CDK14: variants seen among roughly 807,000 people sequenced by gnomAD.
CDK14 encodes cyclin-dependent kinase 14.
A neutral mutation model predicts 60.7 loss-of-function variants in CDK14; 34 were observed. The ratio of observed to expected loss-of-function variants is 0.56; its 90% confidence interval spans 0.43 to 0.75. The LOEUF (loss-of-function observed/expected upper bound fraction) is 0.75. CDK14 is among the 30% of genes least tolerant of loss of function. The pLI, the probability that CDK14 is intolerant of heterozygous loss-of-function variation, is 0.00. For missense variants in CDK14, 482 were observed against 564.1 expected (o/e 0.85, Z 1.47); for synonymous variants, 197 against 203.7 (o/e 0.97, Z 0.28).
intron 2 of CDK14, among the ~76,000 whole-genome samples, chr7:90,638,933 G>A (rs1371876091): frequency 2.6e-5 from 4 of 152,064 alleles, no homozygotes; most frequent in East Asian, 3.9e-4. Flanking sequence ...CGGCTCCTGA[G>A]GCTTCTGCAT....
At chr7:91,065,562 A>G (rs1377265914) in intron 11 of CDK14, among the ~76,000 whole-genome samples, 1 of 152,208 alleles carries the variant, frequency 6.6e-6, no homozygotes, top group Non-Finnish European at 1.5e-5. Context: ...CTATAGATTC[A>G]GCTTTTAAAA....
In CDK14 at chr7:90,861,128, C is replaced by G. The variant is rs1790994595; in HGVS notation, c.545-2047C>G. Among the ~76,000 whole-genome samples, 3 of 152,046 alleles carry G rather than the reference C, an allele frequency of 2.0e-5. No individual in the cohort carries two copies. In the South Asian group the frequency reaches 6.2e-4, roughly 32 times the overall value. On this transcript the variant is annotated intron_variant, in intron 5 of 14. Coordinates refer to ENST00000380050, the MANE Select transcript of CDK14 (RefSeq NM_001287135.2). ...GAATAGCCACCCCAACCCCTGAGGA[C>G]CCCAGATGCATGACATTCAGTAAAC... is the stretch of plus-strand genomic sequence containing the variant.
intron 12 of CDK14, among the ~76,000 whole-genome samples, chr7:91,087,449 C>T (rs1223240514): frequency 6.6e-6 from 1 of 152,148 alleles, no homozygotes; most frequent in African/African-American, 2.4e-5. Flanking sequence ...AGCATAGGAA[C>T]CAGGTTCATC....
rs560706126 is a variant in CDK14, at chr7:91,194,974, C to A, written c.*29-12191C>A. 1.1e-4 allele frequency among the ~76,000 whole-genome samples: 16 copies of A among 152,338 alleles called. No individual in the cohort carries two copies. In the South Asian group the frequency reaches 2.5e-3, roughly 24 times the overall value. ...GAGCCTGGGGTGTGCTGGCTCCTCT[C>A]ACTGCATTCTCCAGCTCTGTTGCCA... On this transcript the variant is annotated intron_variant, in intron 14 of 14. Transcript: ENST00000380050.
At chr7:90,950,868 G>A (rs1794236698) in intron 8 of CDK14, among the ~76,000 whole-genome samples, 1 of 152,158 alleles carries the variant, frequency 6.6e-6, no homozygotes, top group African/African-American at 2.4e-5. Context: ...AGAGAGAAAA[G>A]ATTAAAGGCT....
intron 2 of CDK14, among the ~76,000 whole-genome samples, chr7:90,660,726 T>C (rs920238915): frequency 6.6e-6 from 1 of 152,246 alleles, no homozygotes; most frequent in Admixed American, 6.5e-5. Context: ...TTCAGAAACT[T>C]AGTTTGAATC....
At chr7:90,648,571 A>G (rs962164044) in intron 2 of CDK14, among the ~76,000 whole-genome samples, 3 of 152,108 alleles carry the variant, frequency 2.0e-5, no homozygotes, top group Non-Finnish European at 4.4e-5. Context: ...CTAGAGATTC[A>G]GATCTCACCC....
At chr7:90,689,835 A>C (rs1801517425) in intron 2 of CDK14, among the ~76,000 whole-genome samples, 1 of 152,278 alleles carries the variant, frequency 6.6e-6, no homozygotes, top group East Asian at 1.9e-4. Flanking sequence ...GGACTTAATA[A>C]TTGTTTGCCG....
rs1799187630 is a variant in CDK14 at position 90,596,479 on chromosome 7, C to G, written c.-149C>G. The G allele has an allele frequency of 3.4e-6, 2 of 580,104 alleles. No individual in the cohort carries two copies. The highest frequency in any genetic ancestry group is 6.4e-5 in the East Asian group (2 of 31,318). 35.9% of individuals were successfully genotyped at this position (580,104 alleles called of 1,614,324 possible). ...TGCCGTCCTCCGCCTGCCTGCTGCT[C>G]GCCTCCCTAGACCTGCGCGTCGCTT... On this transcript the variant is annotated 5_prime_UTR_variant, in exon 1 of 15. Transcript: ENST00000380050.
intron 6 of CDK14, among the ~76,000 whole-genome samples, chr7:90,890,109 A>G (rs1445781844): frequency 6.6e-6 from 1 of 152,272 alleles, no homozygotes. Flanking sequence ...ATGATGGCCC[A>G]AGCCTGTCAT....
At chr7:91,155,976 A>G (rs1800969739) in intron 14 of CDK14, among the ~76,000 whole-genome samples, 1 of 152,192 alleles carries the variant, frequency 6.6e-6, no homozygotes, top group Non-Finnish European at 1.5e-5. Context: ...GAGATATAAA[A>G]ACTCTATCAC....
chr7:90,620,922 C>T (rs1358239904), intron 2 of CDK14, among the ~76,000 whole-genome samples: 1 of 152,224 alleles, frequency 6.6e-6, no homozygotes, highest in African/African-American at 2.4e-5. Context: ...CTGCCCATCA[C>T]AGTGGCCTTG....
At position 91,118,175 on chromosome 7, in the gene CDK14, C is replaced by T; in HGVS notation, c.1405C>T (p.His469Tyr). 1 of 1,597,556 alleles carries T rather than the reference C, an allele frequency of 6.3e-7. No homozygotes were observed. Among genetic ancestry groups the T allele is most frequent in the South Asian group, 1.1e-5 (1 of 90,572 alleles). ...SYGKSLSNSK[H>Y] ...TGGCAAAAGTCTATCAAACAGCAAG[C>T]ACTGACAAGCAGCACATTCTCAAGA... The change falls in exon 14 of 15, where the codon CAC becomes TAC. Residue 469 changes from histidine to tyrosine, a missense_variant. Coordinates refer to ENST00000380050, the MANE Select transcript of CDK14 (RefSeq NM_001287135.2).
chr7:91,132,431 C>T (rs1427807452), intron 14 of CDK14, among the ~76,000 whole-genome samples: 2 of 152,024 alleles, frequency 1.3e-5, no homozygotes, highest in Non-Finnish European at 2.9e-5. Context: ...ATTTGAAGCC[C>T]GATTCTGAGG....
intron 6 of CDK14, among the ~76,000 whole-genome samples, chr7:90,894,542 T>C (rs774709261): frequency 4.6e-5 from 7 of 152,234 alleles, no homozygotes; most frequent in Non-Finnish European, 7.3e-5. Context: ...GATGCTAATG[T>C]CATTGGATTT....
intron 10 of CDK14, among the ~76,000 whole-genome samples, chr7:91,030,345 A>G (rs1796726980): frequency 6.6e-6 from 1 of 152,118 alleles, no homozygotes; most frequent in African/African-American, 2.4e-5. Flanking sequence ...AGAACAGGTA[A>G]ATGTATGCAT....
chr7:90,641,285 C>T (rs920320514), intron 2 of CDK14, among the ~76,000 whole-genome samples: 3 of 151,690 alleles, frequency 2.0e-5, no homozygotes, highest in African/African-American at 4.8e-5. Context: ...AGTATATACC[C>T]GAGAGAAATG....
At chr7:90,800,079 G>C (rs1788580179) in intron 5 of CDK14, among the ~76,000 whole-genome samples, 1 of 152,086 alleles carries the variant, frequency 6.6e-6, no homozygotes, top group Non-Finnish European at 1.5e-5. Context: ...TGAACTTTTT[G>C]TTTGGGTACA....
At chr7:91,179,281 A>G (rs1293047259) in intron 14 of CDK14, among the ~76,000 whole-genome samples, 3 of 145,042 alleles carry the variant, frequency 2.1e-5, no homozygotes, top group African/African-American at 7.7e-5. Flanking sequence ...GCATATTCTC[A>G]CTCATAGGTG....
Sources: allele counts gnomAD v4.1 joint callset (sites outside exome capture counted in the v4.1 genomes callset), GRCh38; gene constraint gnomAD v4.1.1; transcripts MANE v1.5; gene names NCBI Gene and HGNC (gene_info 2026-07-23, HGNC 2026-07-21).